Variants in SCFD2 observed in about 807,000 individuals in gnomAD.
SCFD2 encodes sec1 family domain containing 2.
A neutral mutation model predicts 58.9 loss-of-function variants in SCFD2; 54 were observed. The observed-to-expected ratio is 0.92, with a 90% CI of 0.74 to 1.15. The LOEUF (loss-of-function observed/expected upper bound fraction) is 1.15, where lower values mean the gene tolerates loss of function less well. SCFD2 is among the 50% of genes most tolerant of loss of function. SCFD2 has a pLI of 0.00. For missense variants in SCFD2, 805 were observed against 836.6 expected, an observed-to-expected ratio of 0.96 and a Z score of 0.47; for synonymous variants, 321 against 335.9, an observed-to-expected ratio of 0.96 and a Z score of 0.49.
chr4:53,046,131 A>C (rs1400578551), intron 5 of SCFD2, among the ~76,000 whole-genome samples: 1 of 152,212 alleles, frequency 6.6e-6, no homozygotes, highest in Non-Finnish European at 1.5e-5. Context: ...AGGTTGAAAT[A>C]TCCATACTAA....
chr4:53,277,110 C>T (rs556127880), intron 3 of SCFD2, among the ~76,000 whole-genome samples: 12 of 152,226 alleles, frequency 7.9e-5, no homozygotes, highest in African/African-American at 2.9e-4. Flanking sequence ...ATTCCTGTTT[C>T]TAGGAATAAA....
At chr4:53,262,401 T>C (rs1730855894) in intron 4 of SCFD2, among the ~76,000 whole-genome samples, 1 of 152,218 alleles carries the variant, frequency 6.6e-6, no homozygotes, top group African/African-American at 2.4e-5. Flanking sequence ...CAAAAATTTG[T>C]TTCAAGATTT....
At position 52,902,655 on chromosome 4, in the gene SCFD2, C is replaced by A. The variant is rs553369318; in HGVS notation, c.1842+4802G>T. Among the ~76,000 whole-genome samples, 4 of 152,306 alleles carry A rather than the reference C, an allele frequency of 2.6e-5. No homozygotes were observed. The South Asian group carries it at 6.2e-4, about 24-fold the overall frequency. ...ATAGCAAATACTTACGTAGTACTTA[C>A]TACGCGCCAGACACTGTTCTGAGTG... On this transcript the variant is annotated intron_variant, in intron 7 of 8. Coordinates refer to ENST00000401642, the MANE Select transcript of SCFD2 (RefSeq NM_152540.4).
At chr4:53,347,716 T>C (rs1290470619) in intron 2 of SCFD2, among the ~76,000 whole-genome samples, 8 of 152,174 alleles carry the variant, frequency 5.3e-5, no homozygotes, top group Non-Finnish European at 1.0e-4. Flanking sequence ...AGGAAGCTTA[T>C]GTGGCTGCAA....
At position 53,145,985 on chromosome 4, in the gene SCFD2, A is replaced by G. The variant is rs141072966; in HGVS notation, c.1312-403T>C. Among the ~76,000 whole-genome samples the G allele has an allele frequency of 2.4e-3, 366 of 152,354 alleles. 1 individual carries two copies. The highest frequency in any genetic ancestry group is 4.1e-3 in the Non-Finnish European group (280 of 68,030). On this transcript the variant is annotated intron_variant, in intron 4 of 8. Transcript: ENST00000401642. ...ATATATCCAAATGAATGCTGACACT[A>G]CTTCAGAGGAATCACCTCGGATTTT...
intron 5 of SCFD2, among the ~76,000 whole-genome samples, chr4:53,035,622 T>C (rs1722736258): frequency 1.3e-5 from 2 of 151,926 alleles, no homozygotes; most frequent in Admixed American, 1.3e-4. Context: ...CTTCAACAAA[T>C]TTACAACAAA....
chr4:53,007,357 G>GAGAGAGAGA (rs1398424196), intron 5 of SCFD2, among the ~76,000 whole-genome samples: 1 of 51,948 alleles, frequency 1.9e-5, no homozygotes. Flanking sequence ...AGAGAGAAAA[G>GAGAGAGAGA]AAAGAGAGAA....
chr4:52,964,045 G>A (rs1228599934), intron 5 of SCFD2, among the ~76,000 whole-genome samples: 8 of 152,142 alleles, frequency 5.3e-5, no homozygotes, highest in African/African-American at 1.7e-4. Flanking sequence ...TATAAAGATT[G>A]TATTCAATTA....
intron 5 of SCFD2, among the ~76,000 whole-genome samples, chr4:52,988,695 G>A (rs1721553331): frequency 6.6e-6 from 1 of 152,136 alleles, no homozygotes; most frequent in Non-Finnish European, 1.5e-5. Context: ...GGCTGCAGTT[G>A]AATTTATTTC....
At chr4:53,047,642 T>C (rs566447909) in intron 5 of SCFD2, among the ~76,000 whole-genome samples, 44 of 152,310 alleles carry the variant, frequency 2.9e-4, no homozygotes, top group African/African-American at 5.5e-4. Context: ...TACACCGTCT[T>C]ACGATTTTAA....
chr4:53,087,680 G>T (rs28658311), intron 5 of SCFD2, among the ~76,000 whole-genome samples: 2,166 of 115,690 alleles, frequency 0.019, 62 homozygotes, highest in African/African-American at 0.067. Context: ...TTTTTTTTGA[G>T]ACGGAGTCTC....
chr4:53,317,754 A>T (rs1732908320), intron 2 of SCFD2, among the ~76,000 whole-genome samples: 1 of 152,166 alleles, frequency 6.6e-6, no homozygotes, highest in African/African-American at 2.4e-5. Context: ...GCCACCTACT[A>T]GCTCTATGTC....
intron 4 of SCFD2, among the ~76,000 whole-genome samples, chr4:53,188,887 T>C (rs768976230): frequency 2.6e-5 from 4 of 152,178 alleles, no homozygotes; most frequent in African/African-American, 9.6e-5. Flanking sequence ...CCAGCATCCA[T>C]TGCCCCTTCT....
At chr4:53,120,101 G>A (rs1021164362) in intron 5 of SCFD2, among the ~76,000 whole-genome samples, 23 of 152,220 alleles carry the variant, frequency 1.5e-4, no homozygotes, top group African/African-American at 5.5e-4. Flanking sequence ...AGTGACAAAA[G>A]GGCTGTGCAA....
intron 6 of SCFD2, among the ~76,000 whole-genome samples, chr4:52,915,750 G>A (rs1005745741): frequency 1.3e-5 from 2 of 152,210 alleles, no homozygotes; most frequent in Non-Finnish European, 2.9e-5. Context: ...ACTCAGGACA[G>A]AGCCAAGTTT....
chr4:53,148,520 C>T (rs148019488), intron 4 of SCFD2, among the ~76,000 whole-genome samples: 6 of 152,332 alleles, frequency 3.9e-5, no homozygotes, highest in Non-Finnish European at 7.3e-5. Flanking sequence ...CCCGATTGTT[C>T]CTCTAACTCC....
chr4:53,083,401 A>G (rs1724207376), intron 5 of SCFD2, among the ~76,000 whole-genome samples: 1 of 152,156 alleles, frequency 6.6e-6, no homozygotes, highest in Admixed American at 6.6e-5. Flanking sequence ...GTCCTACTCA[A>G]ACTATTTTTT....
chr4:53,256,304 C>A (rs1443094377), intron 4 of SCFD2, among the ~76,000 whole-genome samples: 1 of 145,150 alleles, frequency 6.9e-6, no homozygotes, highest in Non-Finnish European at 1.5e-5. Context: ...GGGGCAGAGG[C>A]GCTCCCCACA....
intron 5 of SCFD2, among the ~76,000 whole-genome samples, chr4:53,098,086 A>T (rs893603921): frequency 1.3e-5 from 2 of 152,152 alleles, no homozygotes; most frequent in African/African-American, 4.8e-5. Flanking sequence ...ATGGTGGATA[A>T]GCTTTTTGAT....
Sources: allele counts gnomAD v4.1 joint callset (sites outside exome capture counted in the v4.1 genomes callset), GRCh38; gene constraint gnomAD v4.1.1; transcripts MANE v1.5; gene names NCBI Gene and HGNC (gene_info 2026-07-23, HGNC 2026-07-21).